The following KCNH6 variants were observed in gnomAD, a reference collection of about 807,000 sequenced individuals.
KCNH6 encodes potassium voltage-gated channel subfamily H member 6, also known as voltage-gated inwardly rectifying potassium channel KCNH6.
Under a neutral mutation model 83.4 loss-of-function variants are expected in KCNH6, and 81 were observed. The ratio of observed to expected loss-of-function variants is 0.97; its 90% CI spans 0.81 to 1.17. The LOEUF is 1.17. Among genes scored for constraint, KCNH6 ranks in the 50% most tolerant of loss-of-function variants. KCNH6 has a pLI of 0.00. For synonymous variants in KCNH6, 503 were observed against 545.6 expected, an observed-to-expected ratio of 0.92 and a Z score of 1.09; for missense variants, 1,203 against 1,290.5, an observed-to-expected ratio of 0.93 and a Z score of 1.04.
intron 8 of KCNH6, among the ~76,000 whole-genome samples, chr17:63,541,319 C>T (rs2032849235): frequency 7.5e-6 from 1 of 134,176 alleles, no homozygotes; most frequent in South Asian, 2.4e-4. Flanking sequence ...GATGGAGTCT[C>T]GCTCTGTCAC....
Position 63,533,814 on chromosome 17 carries a change from C to A in KCNH6, c.676-72C>A, listed in dbSNP as rs2032278154. 6.9e-7 allele frequency: 1 copy of A among 1,455,592 alleles called. No homozygotes were observed. The highest frequency in any genetic ancestry group is 9.4e-7 in the Non-Finnish European group (1 of 1,064,688). The allele number at this position is 1,455,592 out of a possible 1,614,324, so 90.2% of individuals were successfully genotyped here. A position where few individuals can be genotyped will look rare whatever the true frequency, so the allele number is the denominator to read the frequency against. ...CCTCTCCCACTACACCTTCCCCAGG[C>A]CTCAGCCCTCTAGGCCAGTCTCACC... On this transcript the variant is annotated intron_variant, in intron 4 of 12. Transcript: ENST00000314672. This position sits in a 1 kb window ranked among gnomAD's most constrained non-coding sequence, Gnocchi z 4.1.
At position 63,530,134 on chromosome 17, in the gene KCNH6, CGAG is replaced by C. The variant is rs1568068492; in HGVS notation, c.354_356del (p.Glu118del). ...TGGTAGATGTGGTGCCCGTGAAGAA[CGAG>C]GACGGGGCTGTCATCATGTTCATTC... On this transcript the variant is annotated inframe_deletion, in exon 3 of 13. Coordinates refer to ENST00000314672, the MANE Select transcript of KCNH6 (RefSeq NM_001278919.2). The C allele has an allele frequency of 2.5e-6, 4 of 1,613,962 alleles. 1 individual carries two copies. In the Admixed American group the frequency reaches 6.7e-5, roughly 27 times the overall value.
intron 2 of KCNH6, 128 bp from the exon 3 acceptor site, chr17:63,529,963 C>A (rs2031972995): frequency 5.2e-6 from 5 of 964,830 alleles, no homozygotes; most frequent in Non-Finnish European, 7.6e-6. Context: ...TATCTCTGGT[C>A]ACTGTCCAAG....
rs1298974130 is a variant in KCNH6, at chr17:63,544,240, C to G, written c.2234-9C>G. ...AGGCCCAGCTGAGACTTCCCTTTCC[C>G]TCCTGCAGATGCAGCCCCTCCCCTG... On this transcript the variant is annotated splice_polypyrimidine_tract_variant and intron_variant, in intron 10 of 12. Coordinates refer to ENST00000314672, the MANE Select transcript of KCNH6 (RefSeq NM_001278919.2). The G allele has an allele frequency of 1.9e-6, 3 of 1,583,320 alleles. No individual in the cohort carries two copies. The highest frequency in any genetic ancestry group is 2.6e-6 in the Non-Finnish European group (3 of 1,161,910).
rs141039385 is a variant in KCNH6, at chr17:63,542,309, C to T, written c.2023C>T (p.Arg675Trp). The T allele has an allele frequency of 8.2e-5, 133 of 1,614,122 alleles. No homozygotes were observed. The African/African-American group carries it at 1.5e-3, about 18-fold the overall frequency. ...AQPGKSSADV[R>W]ALTYCDLHKI... ...GCCAGGCAAGTCCAGTGCAGACGTGCGGGCTCTGACCTACTGCGACCTGCA... is the reference window on the plus strand; with the variant it reads ...GCCAGGCAAGTCCAGTGCAGACGTGTGGGCTCTGACCTACTGCGACCTGCA... Residue 675 changes from arginine to tryptophan, a missense_variant, in exon 9 of 13, where the codon CGG becomes TGG. By Grantham distance (101) the Arg-to-Trp change is moderately radical (BLOSUM62 -3). Transcript: ENST00000314672.
chr17:63,523,496 G>A lies in KCNH6; in HGVS notation c.76+7G>A. 1 of 1,600,654 alleles carries A rather than the reference G, an allele frequency of 6.2e-7. No homozygotes were observed. The highest frequency in any genetic ancestry group is 1.4e-5 in the African/African-American group (1 of 73,464). ...CGCAAGTTCGAGGGCCAAAGTGAGTGTGTGTATGTTGGGGCGGGGGGACGA... is the reference window on the plus strand; with the variant it reads ...CGCAAGTTCGAGGGCCAAAGTGAGTATGTGTATGTTGGGGCGGGGGGACGA... On this transcript the variant is annotated splice_region_variant and intron_variant, in intron 1 of 12. Transcript: ENST00000314672. This position sits in a 1 kb window ranked among gnomAD's most constrained non-coding sequence, Gnocchi z 4.2.
rs985294760 is a variant in KCNH6 at position 63,527,622 on chromosome 17, C to G, written c.308-2469C>G. ...AGGTGGGTGCTGGGAGGAGCTCCTGCAAGGAAGAAGCAGGCAGAGACTGTG... is the reference window on the plus strand; with the variant it reads ...AGGTGGGTGCTGGGAGGAGCTCCTGGAAGGAAGAAGCAGGCAGAGACTGTG... On this transcript the variant is annotated intron_variant, in intron 2 of 12. Coordinates refer to ENST00000314672, the MANE Select transcript of KCNH6 (RefSeq NM_001278919.2). Among the ~76,000 whole-genome samples, 3 of 152,300 alleles carry G rather than the reference C, an allele frequency of 2.0e-5. No homozygotes were observed. In the South Asian group the frequency reaches 6.2e-4, roughly 32 times the overall value.
At chr17:63,528,168 G>A (rs778630655) in intron 2 of KCNH6, among the ~76,000 whole-genome samples, 2 of 152,150 alleles carry the variant, frequency 1.3e-5, no homozygotes, top group East Asian at 1.9e-4. Flanking sequence ...CTGGCCTTAG[G>A]AGCAGTGTCC....
chr17:63,529,473 G>A (rs1396453397), intron 2 of KCNH6, among the ~76,000 whole-genome samples: 1 of 152,220 alleles, frequency 6.6e-6, no homozygotes, highest in Non-Finnish European at 1.5e-5. Context: ...ATTGTGTCCT[G>A]CAAACCCAGG....
rs1443200911 is a variant in KCNH6 at position 63,530,142 on chromosome 17, G to A, written c.359G>A (p.Gly120Glu). 1.2e-6 allele frequency: 2 copies of A among 1,614,050 alleles called. No homozygotes were observed. Among genetic ancestry groups the A allele is most frequent in the Non-Finnish European group, 1.7e-6 (2 of 1,180,026 alleles). Residue 120 changes from glycine (G) to glutamate (E), a missense_variant, in exon 3 of 13, where the codon GGG becomes GAG. By Grantham distance (98) the Gly-to-Glu change is moderately conservative. Coordinates refer to ENST00000314672, the MANE Select transcript of KCNH6 (RefSeq NM_001278919.2). ...VDVVPVKNED[G>E]AVIMFILNFE... ...GTGGTGCCCGTGAAGAACGAGGACG[G>A]GGCTGTCATCATGTTCATTCTCAAC...
chr17:63,530,490 C>T lies in KCNH6; in HGVS notation c.623C>T (p.Ala208Val), dbSNP rs768097692. The change falls in exon 4 of 13, where the codon GCG becomes GTG. Residue 208 changes from alanine to valine, a missense_variant. By Grantham distance (64) the Ala-to-Val change is moderately conservative. Transcript: ENST00000314672. ...SSSTTEIEII[A>V]PHKVVERTQN... ...TCCACCACGGAGATTGAGATCATCG[C>T]GCCCCATAAGGTGGTGGAGCGGACA... 5.7e-5 allele frequency: 92 copies of T among 1,614,080 alleles called. 1 individual carries two copies. The highest frequency in any genetic ancestry group is 9.9e-5 in the South Asian group (9 of 91,084).
chr17:63,545,023 C>A, intron 11 of KCNH6, 55 bp from the exon 12 acceptor site: 1 of 1,555,438 alleles, frequency 6.4e-7, no homozygotes, highest in Non-Finnish European at 8.8e-7. Context: ...TGACAGCTGC[C>A]CTCAGGAACT....
chr17:63,542,802 CCTA>C (rs1174431850), intron 9 of KCNH6, among the ~76,000 whole-genome samples: 2 of 152,188 alleles, frequency 1.3e-5, no homozygotes, highest in Non-Finnish European at 2.9e-5. Context: ...CCCAGGCATT[CCTA>C]CTACATCATA....
intron 9 of KCNH6, among the ~76,000 whole-genome samples, chr17:63,542,777 T>C (rs1032853169): frequency 2.6e-5 from 4 of 152,168 alleles, no homozygotes; most frequent in African/African-American, 9.7e-5. Flanking sequence ...GAATTTAATT[T>C]GTCTGACTCC....
intron 4 of KCNH6, among the ~76,000 whole-genome samples, chr17:63,531,526 TC>T (rs1439380187): frequency 6.6e-6 from 1 of 152,218 alleles, no homozygotes; most frequent in Admixed American, 6.5e-5. Context: ...GCAGCTCTTT[TC>T]CCCCTGCCTG....
chr17:63,534,350 C>T lies in KCNH6; in HGVS notation c.1101+39C>T. 6.4e-7 allele frequency: 1 copy of T among 1,563,210 alleles called. No homozygotes were observed. The highest frequency in any genetic ancestry group is 1.7e-4 in the Middle Eastern group (1 of 5,828). On this transcript the variant is annotated intron_variant, in intron 5 of 12. Transcript: ENST00000314672. The surrounding 1 kb of genome is among the most constrained non-coding windows in gnomAD (Gnocchi z 5.0). ...CTCCAGGCCAGCAGCCATGGCTGTC[C>T]TCTGCACGCTGGCCTCAAGCCCTCC...
rs1306214189 is a variant in KCNH6 at position 63,546,620 on chromosome 17, A to G, written c.*718A>G. On this transcript the variant is annotated 3_prime_UTR_variant, in exon 13 of 13. Coordinates refer to ENST00000314672, the MANE Select transcript of KCNH6 (RefSeq NM_001278919.2). ...GATGGAGGTATGTTCTGTGGCAGAC[A>G]TGTCAGGACAGTCCTCCAGCCCTCT... is the stretch of plus-strand genomic sequence containing the variant. 6.6e-6 allele frequency: 1 copy of G among 152,260 alleles called. No homozygotes were observed. Among genetic ancestry groups the G allele is most frequent in the Non-Finnish European group, 1.5e-5 (1 of 68,096 alleles). The allele number at this position is 152,260 out of a possible 1,614,324, so 9.4% of individuals were successfully genotyped here. A position where few individuals can be genotyped will look rare whatever the true frequency, so the allele number is the denominator to read the frequency against.
At chr17:63,532,764 T>C (rs888831907) in intron 4 of KCNH6, among the ~76,000 whole-genome samples, 9 of 152,184 alleles carry the variant, frequency 5.9e-5, no homozygotes, top group Non-Finnish European at 1.5e-5. Context: ...AGATCTCATC[T>C]GGTGGGAGAG....
Position 63,524,136 on chromosome 17 carries a change from C to G in KCNH6, c.77-3C>G. On this transcript the variant is annotated splice_region_variant and splice_polypyrimidine_tract_variant and intron_variant, in intron 1 of 12. Transcript: ENST00000314672. ...ACTTTTTGCCTCCCACCTCCCACCCCAGGTCGGAAGTTCCTGATTGCCAAT... is the reference window on the plus strand; with the variant it reads ...ACTTTTTGCCTCCCACCTCCCACCCGAGGTCGGAAGTTCCTGATTGCCAAT... The G allele has an allele frequency of 4.3e-6, 7 of 1,609,492 alleles. No homozygotes were observed. The highest frequency in any genetic ancestry group is 6.0e-6 in the Non-Finnish European group (7 of 1,175,820).
Sources: allele counts gnomAD v4.1 joint callset (sites outside exome capture counted in the v4.1 genomes callset), GRCh38; gene constraint gnomAD v4.1.1; non-coding constraint Gnocchi (gnomAD v3.1); transcripts MANE v1.5; gene names NCBI Gene and HGNC (gene_info 2026-07-23, HGNC 2026-07-21).